The following FAM135B variants were observed in gnomAD, a reference collection of about 807,000 sequenced individuals.
FAM135B encodes family with sequence similarity 135 member B, also known as protein FAM135B.
Under a neutral mutation model 127.7 loss-of-function variants are expected in FAM135B, and 43 were observed. The ratio of observed to expected loss-of-function variants is 0.34; its 90% CI spans 0.26 to 0.43. The LOEUF is 0.43. FAM135B is among the 20% of genes least tolerant of loss of function. The probability of loss-of-function intolerance (pLI) is 1.00; values close to 1 mark genes in which losing one functional copy is unlikely to be tolerated. For synonymous variants in FAM135B, 670 were observed against 665.1 expected (o/e 1.01, Z -0.11); for missense variants, 1,558 against 1,725.6 (o/e 0.90, Z 1.72).
chr8:138,374,969 C>T (rs1380688341), intron 1 of FAM135B, among the ~76,000 whole-genome samples: 1 of 151,084 alleles, frequency 6.6e-6, no homozygotes, highest in Non-Finnish European at 1.5e-5. Flanking sequence ...CACAAAAGAA[C>T]AACCTGGGAA....
At chr8:138,394,595 C>T (rs1832760764) in intron 1 of FAM135B, among the ~76,000 whole-genome samples, 1 of 152,162 alleles carries the variant, frequency 6.6e-6, no homozygotes, top group Non-Finnish European at 1.5e-5. Flanking sequence ...GTGGTGGTCT[C>T]ATTTCACTGA....
At chr8:138,291,763 A>G (rs1213472990) in intron 3 of FAM135B, among the ~76,000 whole-genome samples, 1 of 152,162 alleles carries the variant, frequency 6.6e-6, no homozygotes, top group African/African-American at 2.4e-5. Flanking sequence ...ATTCTCAACA[A>G]ATTAGGTATA....
intron 2 of FAM135B, among the ~76,000 whole-genome samples, chr8:138,349,173 C>A (rs1298889061): frequency 6.6e-6 from 1 of 152,230 alleles, no homozygotes; most frequent in Non-Finnish European, 1.5e-5. Context: ...TGTGAAGTAG[C>A]AGCAACAAAA....
intron 9 of FAM135B, 124 bp downstream of exon 9, chr8:138,195,134 G>T (rs1816506100): frequency 5.0e-6 from 4 of 793,272 alleles, no homozygotes; most frequent in Middle Eastern, 2.3e-4. Context: ...CTCCAGCTTG[G>T]TATCTAGAGT....
chr8:138,233,045 G>A (rs2130237886), intron 7 of FAM135B, among the ~76,000 whole-genome samples: 1 of 152,150 alleles, frequency 6.6e-6, no homozygotes, highest in South Asian at 2.1e-4. Flanking sequence ...AGTATTTGTT[G>A]TTCTGTGACT....
chr8:138,401,295 T>C (rs1833140309), intron 1 of FAM135B, among the ~76,000 whole-genome samples: 1 of 152,222 alleles, frequency 6.6e-6, no homozygotes, highest in Non-Finnish European at 1.5e-5. Context: ...TTACCTGGAC[T>C]GATTGTCTAT....
intron 2 of FAM135B, among the ~76,000 whole-genome samples, chr8:138,321,317 C>T (rs1827439988): frequency 6.6e-6 from 1 of 152,160 alleles, no homozygotes; most frequent in South Asian, 2.1e-4. Context: ...TCCATGATCC[C>T]AGTCTATCCT....
intron 1 of FAM135B, chr8:138,441,210 C>G (rs973407832): frequency 6.6e-6 from 1 of 152,194 alleles, no homozygotes; most frequent in Non-Finnish European, 1.5e-5. Context: ...CAAGATCTAG[C>G]CTTCAGACTG....
chr8:138,190,120 A>G (rs1414684403), intron 9 of FAM135B, among the ~76,000 whole-genome samples: 3 of 152,042 alleles, frequency 2.0e-5, no homozygotes, highest in Non-Finnish European at 4.4e-5. Context: ...ACTTTAATAA[A>G]CCTGCCTTTC....
chr8:138,180,670 G>A (rs1322591712), intron 9 of FAM135B, among the ~76,000 whole-genome samples: 1 of 152,126 alleles, frequency 6.6e-6, no homozygotes, highest in African/African-American at 2.4e-5. Flanking sequence ...CACACAGTAA[G>A]GTTCTGTAAA....
At chr8:138,230,422 A>C (rs1274898224) in intron 7 of FAM135B, among the ~76,000 whole-genome samples, 1 of 152,196 alleles carries the variant, frequency 6.6e-6, no homozygotes, top group Non-Finnish European at 1.5e-5. Flanking sequence ...CAATACTAGA[A>C]AAATAAGAGG....
chr8:138,358,645 T>C (rs1587221098), intron 2 of FAM135B: 1 of 152,302 alleles, frequency 6.6e-6, no homozygotes, highest in South Asian at 2.1e-4. Context: ...TAAATGAAAT[T>C]AGAACCAGGA....
chr8:138,299,101 AAATAAAT>A (rs1825686749), intron 3 of FAM135B, among the ~76,000 whole-genome samples: 3 of 147,894 alleles, frequency 2.0e-5, no homozygotes, highest in African/African-American at 7.5e-5. Flanking sequence ...ATAAATAAAT[AAATAAAT>A]AAAATAAAAA....
chr8:138,150,742 T>C (rs1424115127), intron 13 of FAM135B, among the ~76,000 whole-genome samples: 1 of 152,106 alleles, frequency 6.6e-6, no homozygotes, highest in Non-Finnish European at 1.5e-5. Context: ...AAGAATTTGG[T>C]TAATAAGTCA....
At chr8:138,200,896 A>G (rs1817062824) in intron 7 of FAM135B, among the ~76,000 whole-genome samples, 1 of 152,220 alleles carries the variant, frequency 6.6e-6, no homozygotes, top group African/African-American at 2.4e-5. Context: ...CAAAGAACTG[A>G]GTGACATGTG....
chr8:138,345,825 C>T (rs367973604), intron 2 of FAM135B, among the ~76,000 whole-genome samples: 2 of 152,214 alleles, frequency 1.3e-5, no homozygotes, highest in African/African-American at 4.8e-5. Context: ...TCTCTACTGC[C>T]TCAGTTTCTC....
chr8:138,466,860 A>G (rs1189891436), intron 1 of FAM135B, among the ~76,000 whole-genome samples: 3 of 152,214 alleles, frequency 2.0e-5, no homozygotes, highest in Non-Finnish European at 4.4e-5. Context: ...AGTATAGTGC[A>G]GCAAATTTAT....
At chr8:138,408,178 C>A (rs568045276) in intron 1 of FAM135B, among the ~76,000 whole-genome samples, 1 of 152,298 alleles carries the variant, frequency 6.6e-6, no homozygotes, top group South Asian at 2.1e-4. Context: ...AGCTTTGAAG[C>A]CAGGCAATGA....
chr8:138,168,216 T>C (rs555956567), intron 11 of FAM135B, among the ~76,000 whole-genome samples, 167 bp from the exon 12 acceptor site: 2 of 152,294 alleles, frequency 1.3e-5, no homozygotes, highest in African/African-American at 2.4e-5. Flanking sequence ...AGAGCCATAG[T>C]CTGCTTTGTT....
Sources: gnomAD v4.1 joint callset for allele counts (sites outside exome capture counted in the v4.1 genomes callset) on GRCh38, gnomAD v4.1.1 for gene constraint, MANE v1.5 for transcripts, NCBI Gene and HGNC (gene_info 2026-07-23, HGNC 2026-07-21) for gene names.